RYR3: variants seen among roughly 807,000 people sequenced by gnomAD.
RYR3 encodes the protein brain ryanodine receptor-calcium release channel.
A neutral mutation model predicts 584.3 loss-of-function variants in RYR3; 207 were observed. The observed-to-expected ratio is 0.35, with a 90% CI of 0.32 to 0.40. The LOEUF is 0.40. Among genes scored for constraint, RYR3 ranks in the 10% least tolerant of loss-of-function variants. The pLI, the probability that RYR3 is intolerant of heterozygous loss-of-function variation, is 1.00. For missense variants in RYR3, 5,616 were observed against 6,089.2 expected (o/e 0.92, Z 2.59); for synonymous variants, 2,416 against 2,248.5 (o/e 1.07, Z -2.11).
At chr15:33,812,802 G>A in intron 72 of RYR3, 61 bp from the exon 73 acceptor site, 1 of 1,550,766 alleles carries the variant, frequency 6.4e-7, no homozygotes, top group Non-Finnish European at 8.8e-7. Flanking sequence ...GGACCAAAAG[G>A]CTTCTTCAGT....
chr15:33,505,507 G>A (rs1478495641), intron 3 of RYR3, among the ~76,000 whole-genome samples: 5 of 152,094 alleles, frequency 3.3e-5, no homozygotes, highest in African/African-American at 1.2e-4. Context: ...CTTTGTTGTT[G>A]TTGAGACGGA....
chr15:33,842,511 C>T (rs922116229), intron 91 of RYR3, among the ~76,000 whole-genome samples: 5 of 152,220 alleles, frequency 3.3e-5, no homozygotes, highest in African/African-American at 1.2e-4. Context: ...TGATACATTG[C>T]CCTCTGAGGT....
chr15:33,641,391 G>A (rs1215126418), intron 27 of RYR3, among the ~76,000 whole-genome samples: 1 of 152,140 alleles, frequency 6.6e-6, no homozygotes, highest in Non-Finnish European at 1.5e-5. Context: ...CATTTACAAG[G>A]TATTTGGTAA....
At chr15:33,569,083 CAT>C (rs1193053250) in intron 12 of RYR3, among the ~76,000 whole-genome samples, 1 of 152,120 alleles carries the variant, frequency 6.6e-6, no homozygotes, top group Non-Finnish European at 1.5e-5. Flanking sequence ...GAGATGCACA[CAT>C]AACACATTTT....
chr15:33,677,627 C>T (rs1211505298), intron 38 of RYR3, among the ~76,000 whole-genome samples: 1 of 152,228 alleles, frequency 6.6e-6, no homozygotes, highest in Non-Finnish European at 1.5e-5. Flanking sequence ...CAAACACAGT[C>T]TTACTGGCTT....
At chr15:33,670,277 A>G in intron 37 of RYR3, 142 bp from the exon 38 acceptor site, 1 of 811,588 alleles carries the variant, frequency 1.2e-6, no homozygotes, top group Non-Finnish European at 2.0e-6. Flanking sequence ...GTAACTATTC[A>G]CGAGAATAGT....
chr15:33,324,240 TG>T, intron 1 of RYR3, among the ~76,000 whole-genome samples: 1 of 152,310 alleles, frequency 6.6e-6, no homozygotes, highest in East Asian at 1.9e-4. Flanking sequence ...AACTTTGGTC[TG>T]GTAATATGGC....
rs146357433 is a variant in RYR3, at chr15:33,554,007, C to T, written c.972+3691C>T. Among the ~76,000 whole-genome samples the T allele has an allele frequency of 2.2e-3, 336 of 152,294 alleles. 1 individual carries two copies. Among genetic ancestry groups the T allele is most frequent in the African/African-American group, 7.1e-3 (296 of 41,550 alleles). On this transcript the variant is annotated intron_variant, in intron 10 of 103. Transcript: ENST00000634891. ...AACCACCACCAAACTTGTGCCTGAACGCCTTTTGCCCCTCTGCACTCTACC... is the reference window on the plus strand; with the variant it reads ...AACCACCACCAAACTTGTGCCTGAATGCCTTTTGCCCCTCTGCACTCTACC...
At chr15:33,625,852 T>C (rs1027423498) in intron 20 of RYR3, among the ~76,000 whole-genome samples, 5 of 152,216 alleles carry the variant, frequency 3.3e-5, no homozygotes, top group African/African-American at 1.2e-4. Context: ...AAAAAATTGT[T>C]GAATTCTTTT....
intron 74 of RYR3, among the ~76,000 whole-genome samples, chr15:33,816,227 C>T (rs537075100): frequency 1.2e-4 from 18 of 152,214 alleles, no homozygotes; most frequent in Non-Finnish European, 1.6e-4. Flanking sequence ...TCCCAGAAGT[C>T]AATCCTGGCT....
intron 96 of RYR3, among the ~76,000 whole-genome samples, chr15:33,853,885 T>C (rs1253051418): frequency 6.6e-6 from 1 of 152,118 alleles, no homozygotes; most frequent in African/African-American, 2.4e-5. Flanking sequence ...AGCTGAAAGA[T>C]AAAGACTTAA....
At chr15:33,755,466 A>G (rs1429725209) in intron 58 of RYR3, among the ~76,000 whole-genome samples, 1 of 152,034 alleles carries the variant, frequency 6.6e-6, no homozygotes, top group Non-Finnish European at 1.5e-5. Flanking sequence ...TAAAAATACA[A>G]AAAAAATTAG....
intron 3 of RYR3, among the ~76,000 whole-genome samples, chr15:33,510,758 T>A (rs576804704): frequency 6.6e-6 from 1 of 152,276 alleles, no homozygotes; most frequent in African/African-American, 2.4e-5. Flanking sequence ...AAAGTTTCAA[T>A]GTGTTTTTTT....
Position 33,810,581 on chromosome 15 carries a change from A to C in RYR3, c.10129A>C (p.Ile3377Leu). The stretch of plus-strand genomic sequence containing the variant: ...GGCTGCACTCAAGAAAATGCTGCCC[A>C]TTGGTTTGAATATGTGTACTCCAGG... ...IVAALKKMLPIGLNMCTPGDQ... is the reference protein window; with the variant it reads ...IVAALKKMLPLGLNMCTPGDQ... Residue 3377 changes from isoleucine (I) to leucine (L), a missense_variant, in exon 71 of 104, where the codon ATT (isoleucine) becomes CTT (leucine). Ile to Leu is a conservative substitution (Grantham distance 5, BLOSUM62 2). Around this residue, in one of 9 missense-constraint regions of RYR3, gnomAD observed 954 missense variants for 1,132.2 expected, o/e 0.84. Transcript: ENST00000634891. 3.1e-6 allele frequency: 5 copies of C among 1,613,980 alleles called. No individual in the cohort carries two copies. Among genetic ancestry groups the C allele is most frequent in the Non-Finnish European group, 4.2e-6 (5 of 1,179,868 alleles).
rs902586496 is a variant in RYR3, at chr15:33,812,010, T to G, written c.10258-853T>G. 5.3e-5 allele frequency among the ~76,000 whole-genome samples: 8 copies of G among 151,678 alleles called. No individual in the cohort carries two copies. In the East Asian group the frequency reaches 1.5e-3, roughly 29 times the overall value. On this transcript the variant is annotated intron_variant, in intron 72 of 103. Transcript: ENST00000634891. Reference sequence around the variant, plus strand: ...AAATATACTAGGAAAAAAAAGGCAATAAAAAGAAATCTCTAGGGCCAGAAA... The same window carrying G: ...AAATATACTAGGAAAAAAAAGGCAAGAAAAAGAAATCTCTAGGGCCAGAAA...
chr15:33,620,377 T>C (rs1285552790), intron 19 of RYR3, among the ~76,000 whole-genome samples: 2 of 152,182 alleles, frequency 1.3e-5, no homozygotes, highest in Non-Finnish European at 2.9e-5. Context: ...AAGGAATTCT[T>C]TCCTTTATCC....
intron 48 of RYR3, among the ~76,000 whole-genome samples, chr15:33,733,053 A>G (rs1426726202): frequency 6.6e-6 from 1 of 152,258 alleles, no homozygotes; most frequent in Non-Finnish European, 1.5e-5. Flanking sequence ...AGATAGCACT[A>G]CACACATATC....
chr15:33,739,711 T>G, intron 50 of RYR3, 121 bp from the exon 51 acceptor site: 8 of 737,374 alleles, frequency 1.1e-5, no homozygotes, highest in Non-Finnish European at 1.5e-5. Flanking sequence ...ACATTTCCCG[T>G]TTTGGTTAAC....
At chr15:33,807,138 A>G (rs1596703776) in intron 69 of RYR3, among the ~76,000 whole-genome samples, 1 of 152,152 alleles carries the variant, frequency 6.6e-6, no homozygotes, top group South Asian at 2.1e-4. Context: ...TGTGGTGGGT[A>G]GAAGGAAGAA....
Sources: allele counts gnomAD v4.1 joint callset (sites outside exome capture counted in the v4.1 genomes callset), GRCh38; gene constraint gnomAD v4.1.1; regional missense constraint gnomAD v4.1.1; transcripts MANE v1.5; gene names NCBI Gene and HGNC (gene_info 2026-07-23, HGNC 2026-07-21).